The following KRT74 variants were observed in gnomAD, a reference collection of about 807,000 sequenced individuals.
KRT74 encodes the protein keratin 74.
Under a neutral mutation model 42.7 loss-of-function variants are expected in KRT74, and 43 were observed. That is an observed-to-expected ratio of 1.01 (90% CI 0.79 to 1.30). The LOEUF (loss-of-function observed/expected upper bound fraction) is 1.30. Ranked by LOEUF, KRT74 falls within the 50% of genes most tolerant of loss-of-function variation. KRT74 has a pLI of 0.00. For synonymous variants in KRT74, 302 were observed against 279.0 expected, an observed-to-expected ratio of 1.08 and a Z score of -0.82; for missense variants, 736 against 689.1, an observed-to-expected ratio of 1.07 and a Z score of -0.76.
chr12:52,570,267 A>G (rs1291408140), intron 5 of KRT74, among the ~76,000 whole-genome samples: 1 of 152,154 alleles, frequency 6.6e-6, no homozygotes, highest in African/African-American at 2.4e-5. Flanking sequence ...AAAGAGCTAC[A>G]GGCTTCTCCT....
chr12:52,571,517 C>T, intron 3 of KRT74, 63 bp from the exon 4 acceptor site: 1 of 1,212,070 alleles, frequency 8.3e-7, no homozygotes, highest in Non-Finnish European at 1.2e-6. Context: ...CCCTGCCCAA[C>T]TCCTGCCTCA....
intron 6 of KRT74, among the ~76,000 whole-genome samples, chr12:52,569,197 A>G (rs1398135925): frequency 2.6e-5 from 4 of 152,000 alleles, no homozygotes; most frequent in Non-Finnish European, 5.9e-5. Flanking sequence ...TCCAGCCTCC[A>G]ATATCATCTC....
At position 52,572,563 on chromosome 12, in the gene KRT74, C is replaced by G; in HGVS notation, c.576G>C (p.Glu192Asp). Residue 192 changes from glutamate (E) to aspartate (D), a missense_variant, in exon 2 of 9, where the codon GAG (glutamate) becomes GAC (aspartate). By Grantham distance (45) the Glu-to-Asp change is conservative (BLOSUM62 2). Transcript: ENST00000305620. ...GCTTCCGCAGGTTGCTGATGTAGCC[C>G]TCAAGGATGGGCTCCAGGTTCTTCT... ...NCKKNLEPIL[E>D]GYISNLRKQL... The G allele has an allele frequency of 6.2e-7, 1 of 1,614,210 alleles. No homozygotes were observed. Among genetic ancestry groups the G allele is most frequent in the South Asian group, 1.1e-5 (1 of 91,084 alleles).
rs944301254 is a variant in KRT74 at position 52,569,948 on chromosome 12, C to T, written c.1045G>A (p.Asp349Asn). 7.4e-6 allele frequency: 12 copies of T among 1,614,030 alleles called. No homozygotes were observed. In the East Asian group the frequency reaches 2.2e-4, roughly 30 times the overall value. Residue 349 changes from aspartate to asparagine, a missense_variant, in exon 6 of 9, where the codon GAC (aspartate) becomes AAC (asparagine). Transcript: ENST00000305620. ...TCGCTCCTGGTGTGTTTCAGGTCGT[C>T]ACCATGCCGACTGGCTGCCAGCTGC... The part of the protein sequence containing the change: ...ELQLAASRHG[D>N]DLKHTRSEMV...
In KRT74 at chr12:52,570,802, T is replaced by A. The variant is rs1286468507; in HGVS notation, c.875A>T (p.Glu292Val). Residue 292 changes from glutamate to valine, a missense_variant, in exon 5 of 9, where the codon GAG (glutamate) becomes GTG (valine). By Grantham distance (121) the Glu-to-Val change is moderately radical. Coordinates refer to ENST00000305620, the MANE Select transcript of KRT74 (RefSeq NM_175053.4). The part of the protein sequence containing the change: ...EIAQIQTHAS[E>V]TSVILSMDNN... Reference sequence around the variant, plus strand: ...GTCCATGGACAGGATGACAGAGGTCTCACTGGCGTGAGTCTGGATCTGAGC... The same window carrying A: ...GTCCATGGACAGGATGACAGAGGTCACACTGGCGTGAGTCTGGATCTGAGC... 1 of 1,614,254 alleles carries A rather than the reference T, an allele frequency of 6.2e-7. No homozygotes were observed. Among genetic ancestry groups the A allele is most frequent in the East Asian group, 2.2e-5 (1 of 44,882 alleles).
In KRT74 at chr12:52,566,951, G is replaced by T. The variant is rs774625529; in HGVS notation, c.*18C>A. 1.9e-5 allele frequency: 31 copies of T among 1,601,870 alleles called. No individual in the cohort carries two copies. The highest frequency in any genetic ancestry group is 2.6e-5 in the Non-Finnish European group (31 of 1,172,282). The stretch of plus-strand genomic sequence containing the variant: ...GTCACCTCTTCTTCCAAGTGCTGAG[G>T]TGGGTGAGGCCATGGGTCTAGCGGG... On this transcript the variant is annotated 3_prime_UTR_variant, in exon 9 of 9. Transcript: ENST00000305620.
At chr12:52,571,722 C>A (rs1939485322) in intron 3 of KRT74, among the ~76,000 whole-genome samples, 1 of 152,200 alleles carries the variant, frequency 6.6e-6, no homozygotes, top group African/African-American at 2.4e-5. Flanking sequence ...CCGAGTTTCA[C>A]AGTTCCCAGA....
intron 6 of KRT74, 111 bp downstream of exon 6, chr12:52,569,748 G>T: frequency 7.1e-7 from 1 of 1,402,102 alleles, no homozygotes; most frequent in Non-Finnish European, 1.0e-6. Flanking sequence ...GTGGCCGAGG[G>T]ACCCCTAAGC....
At chr12:52,570,927 C>CCACG in intron 4 of KRT74, 94 bp from the exon 5 acceptor site, 1 of 1,429,142 alleles carries the variant, frequency 7.0e-7, no homozygotes, top group Non-Finnish European at 9.8e-7. Flanking sequence ...GCCCAATAGG[C>CCACG]TGCTAGGATC....
At chr12:52,570,056 C>A (rs548224361) in intron 5 of KRT74, 72 bp from the exon 6 acceptor site, 1 of 1,540,676 alleles carries the variant, frequency 6.5e-7, no homozygotes, top group African/African-American at 1.4e-5. Context: ...ATAAGCCACC[C>A]CTGCCACCCT....
rs1417378591 is a variant in KRT74, at chr12:52,567,149, G to C, written c.1410C>G (p.Ser470Arg). 2 of 1,601,912 alleles carry C rather than the reference G, an allele frequency of 1.2e-6. No individual in the cohort carries two copies. Among genetic ancestry groups the C allele is most frequent in the Non-Finnish European group, 1.7e-6 (2 of 1,171,406 alleles). ...CAGAGCTGGGGTGGTGGTAGCTGTA[G>C]CTGCTACTGCTGATGACAGCTGAGG... ...SVSISVISSS[S>R]YSYHHPSSAG... Residue 470 changes from serine to arginine, a missense_variant, in exon 9 of 9, where the codon AGC becomes AGG. Ser to Arg is a moderately radical substitution (Grantham distance 110). Transcript: ENST00000305620.
rs772917450 is a variant in KRT74 at position 52,568,342 on chromosome 12, G to T, written c.1182C>A (p.Asp394Glu). 6.2e-7 allele frequency: 1 copy of T among 1,614,242 alleles called. No individual in the cohort carries two copies. The highest frequency in any genetic ancestry group is 2.2e-5 in the East Asian group (1 of 44,886). ...TAIADAEQRG[D>E]NALKDAQAKL... Reference sequence around the variant, plus strand: ...TGGCCTGGGCATCCTTCAGGGCATTGTCTCCCCGCTGCTCAGCGTCAGCGA... The same window carrying T: ...TGGCCTGGGCATCCTTCAGGGCATTTTCTCCCCGCTGCTCAGCGTCAGCGA... The change falls in exon 7 of 9, where the codon GAC (aspartate) becomes GAA (glutamate). Residue 394 changes from aspartate (D) to glutamate (E), a missense_variant. By Grantham distance (45) the Asp-to-Glu change is conservative (BLOSUM62 2). Transcript: ENST00000305620.
At position 52,566,823 on chromosome 12, in the gene KRT74, G is replaced by A; in HGVS notation, c.*146C>T. The A allele has an allele frequency of 1.6e-6, 1 of 610,268 alleles. No homozygotes were observed. The highest frequency in any genetic ancestry group is 2.8e-6 in the Non-Finnish European group (1 of 356,414). 37.8% of individuals were successfully genotyped at this position (610,268 alleles called of 1,614,324 possible). ...TGACTGTGTCAATCAGAGCTTGAAA[G>A]TAAAAGCTAAACCACGATGCAGACA... On this transcript the variant is annotated 3_prime_UTR_variant, in exon 9 of 9. Coordinates refer to ENST00000305620, the MANE Select transcript of KRT74 (RefSeq NM_175053.4).
chr12:52,572,502 C>A lies in KRT74; in HGVS notation c.637G>T (p.Asp213Tyr). The A allele has an allele frequency of 3.7e-6, 6 of 1,614,172 alleles. No individual in the cohort carries two copies. Among genetic ancestry groups the A allele is most frequent in the Non-Finnish European group, 5.1e-6 (6 of 1,180,046 alleles). ...ETLSGDRVRL[D>Y]SELRSMRDLV... ...TCCCTCATGCTTCTCAGCTCCGAGT[C>A]CAGCCTCACCCTGTCCCCAGACAGT... Residue 213 changes from aspartate (D) to tyrosine (Y), a missense_variant, in exon 2 of 9, where the codon GAC (aspartate) becomes TAC (tyrosine). Physicochemically the swap from Asp to Tyr is radical, Grantham distance 160. Transcript: ENST00000305620.
rs1460249960 is a variant in KRT74, at chr12:52,569,930, T to C, written c.1063A>G (p.Arg355Gly). Residue 355 changes from arginine (R) to glycine (G), a missense_variant, in exon 6 of 9, where the codon AGG becomes GGG. By Grantham distance (125) the Arg-to-Gly change is moderately radical. Transcript: ENST00000305620. ...CGGTTCAGCTCCACCATCTCGCTCC[T>C]GGTGTGTTTCAGGTCGTCACCATGC... is the stretch of plus-strand genomic sequence containing the variant. The part of the protein sequence containing the change: ...SRHGDDLKHT[R>G]SEMVELNRLI... The C allele has an allele frequency of 6.2e-7, 1 of 1,614,042 alleles. No homozygotes were observed. Among genetic ancestry groups the C allele is most frequent in the Non-Finnish European group, 8.5e-7 (1 of 1,180,002 alleles).
chr12:52,568,500 G>A lies in KRT74; in HGVS notation c.1135-111C>T, dbSNP rs190001446. ...CAGATGGGGCCCTAGGTGACAAGGA[G>A]TAAAAGCTGCAAAGCCAACACCAGA... On this transcript the variant is annotated intron_variant, in intron 6 of 8. Transcript: ENST00000305620. 5.1e-6 allele frequency: 6 copies of A among 1,172,526 alleles called. No homozygotes were observed. The African/African-American group carries it at 7.6e-5, about 15-fold the overall frequency. 72.6% of individuals were successfully genotyped at this position (1,172,526 alleles called of 1,614,324 possible).
At chr12:52,568,437 A>C in intron 6 of KRT74, 48 bp from the exon 7 acceptor site, 1 of 1,585,408 alleles carries the variant, frequency 6.3e-7, no homozygotes, top group Non-Finnish European at 8.6e-7. Context: ...AATTACATTT[A>C]GCTCATACCA....
Position 52,571,442 on chromosome 12 carries a change from C to A in KRT74, c.760G>T (p.Ala254Ser). 1 of 1,612,980 alleles carries A rather than the reference C, an allele frequency of 6.2e-7. No homozygotes were observed. The highest frequency in any genetic ancestry group is 1.1e-5 in the South Asian group (1 of 91,054). The change falls in exon 4 of 9, where the codon GCC becomes TCC. Residue 254 changes from alanine (A) to serine (S), a missense_variant. Ala to Ser is a moderately conservative substitution (Grantham distance 99). Transcript: ENST00000305620. ...FVVLKKDADA[A>S]YAVKVELQAK... ...TGAAGCTCCACCTTGACTGCGTAGG[C>A]TGCATCTGCATCCTGCCAAGAGGCC...
At chr12:52,568,459 C>A (rs1939419755) in intron 6 of KRT74, 70 bp from the exon 7 acceptor site, 1 of 1,525,072 alleles carries the variant, frequency 6.6e-7, no homozygotes, top group African/African-American at 1.4e-5. Flanking sequence ...TTAAGTAGAA[C>A]AATGCCCTCA....
Sources: allele counts gnomAD v4.1 joint callset (sites outside exome capture counted in the v4.1 genomes callset), GRCh38; gene constraint gnomAD v4.1.1; transcripts MANE v1.5; gene names NCBI Gene and HGNC (gene_info 2026-07-23, HGNC 2026-07-21).